The following CYP27C1 variants were observed in gnomAD, a reference collection of about 807,000 sequenced individuals.
The protein encoded by CYP27C1 is cytochrome P450 family 27 subfamily C member 1.
Under a neutral mutation model 40.6 loss-of-function variants are expected in CYP27C1, and 29 were observed. The observed-to-expected ratio is 0.71, with a 90% CI of 0.53 to 0.97. The LOEUF is 0.97. Ranked by LOEUF, CYP27C1 falls within the 50% of genes least tolerant of loss-of-function variation. The probability of loss-of-function intolerance (pLI) is 0.00; values close to 1 mark genes in which losing one functional copy is unlikely to be tolerated. For missense variants in CYP27C1, 390 were observed against 485.8 expected (o/e 0.80, Z 1.85); for synonymous variants, 198 against 186.8 (o/e 1.06, Z -0.49).
chr2:127,216,927 T>C (rs1252676471), intron 1 of CYP27C1, among the ~76,000 whole-genome samples: 1 of 152,122 alleles, frequency 6.6e-6, no homozygotes, highest in African/African-American at 2.4e-5. Flanking sequence ...TCACTCCTTC[T>C]GGAGACCTGA....
Position 127,218,592 on chromosome 2 carries a change from C to CGG in CYP27C1, c.282+1396_282+1397insCC, listed in dbSNP as rs1683488194. 6.6e-6 allele frequency among the ~76,000 whole-genome samples: 1 copy of CGG among 152,046 alleles called. No homozygotes were observed. The highest frequency in any genetic ancestry group is 6.6e-5 in the Admixed American group (1 of 15,258). ...GAATTAAAATTGCTCCTCGCACGCCCGTTTTTCCATTAATGAGGGTTGGGG... is the reference window on the plus strand; with the variant it reads ...GAATTAAAATTGCTCCTCGCACGCCCGGGTTTTTCCATTAATGAGGGTTGGGG... On this transcript the variant is annotated intron_variant, in intron 1 of 8. Transcript: ENST00000664447. The surrounding 1 kb of genome is among the most constrained non-coding windows in gnomAD (Gnocchi z 6.0).
At chr2:127,189,406 G>A (rs1288383501) in intron 8 of CYP27C1, among the ~76,000 whole-genome samples, 1 of 151,920 alleles carries the variant, frequency 6.6e-6, no homozygotes, top group East Asian at 1.9e-4. Flanking sequence ...TGAACAATGA[G>A]AACACATGGA....
In CYP27C1 at chr2:127,219,648, G is replaced by A. The variant is rs112464345; in HGVS notation, c.282+341C>T. On this transcript the variant is annotated intron_variant, in intron 1 of 8. Coordinates refer to ENST00000664447, the MANE Select transcript of CYP27C1 (RefSeq NM_001367502.1). This position sits in a 1 kb window ranked among gnomAD's most constrained non-coding sequence, Gnocchi z 8.7. The stretch of plus-strand genomic sequence containing the variant: ...CGCCTCTTCCCAGCCGTTCCTTTCT[G>A]GCCCCGTTCCTCAGCTCCCTCTGCC... 2.7e-5 allele frequency among the ~76,000 whole-genome samples: 4 copies of A among 150,152 alleles called. No homozygotes were observed. The East Asian group carries it at 8.0e-4, about 30-fold the overall frequency.
intron 5 of CYP27C1, among the ~76,000 whole-genome samples, chr2:127,198,854 C>CA (rs1179312127): frequency 6.6e-6 from 1 of 152,222 alleles, no homozygotes; most frequent in African/African-American, 2.4e-5. Flanking sequence ...GACCACCCAA[C>CA]AACGCATTTC....
At chr2:127,217,781 A>G (rs1187236646) in intron 1 of CYP27C1, among the ~76,000 whole-genome samples, 1 of 152,206 alleles carries the variant, frequency 6.6e-6, no homozygotes, top group Non-Finnish European at 1.5e-5. Context: ...TTTAGCTAAC[A>G]TTCTGTGATT....
In CYP27C1 at chr2:127,193,850, G is replaced by A. The variant is rs539536553; in HGVS notation, c.1232C>T (p.Pro411Leu). The change falls in exon 7 of 9, where the codon CCA (proline) becomes CTA (leucine). Residue 411 changes from proline (P) to leucine (L), a missense_variant. Physicochemically the swap from Pro to Leu is moderately conservative, Grantham distance 98. Transcript: ENST00000664447. The stretch of plus-strand genomic sequence containing the variant: ...TTCCTGGGTGACCCGGCCGTTCCCT[G>A]GCAGCACTGGAAACAGCCTGGAAAA... Reference protein sequence around the residue: ...KETLRLFPVLPGNGRVTQEDL... With the variant: ...KETLRLFPVLLGNGRVTQEDL... The A allele has an allele frequency of 6.2e-7, 1 of 1,614,136 alleles. No individual in the cohort carries two copies. The highest frequency in any genetic ancestry group is 1.7e-5 in the Admixed American group (1 of 60,014).
At chr2:127,198,542 CT>C (rs34101117) in intron 5 of CYP27C1, among the ~76,000 whole-genome samples, 35,473 of 151,952 alleles carry the variant, frequency 0.23, 4,394 homozygotes, top group Middle Eastern at 0.35. Flanking sequence ...CATTATGCAC[CT>C]TACATTTAAT....
intron 8 of CYP27C1, among the ~76,000 whole-genome samples, chr2:127,189,499 T>C (rs1245297862): frequency 6.6e-6 from 1 of 151,950 alleles, no homozygotes; most frequent in African/African-American, 2.4e-5. Context: ...AAATACCTAA[T>C]GCATGTGGGG....
chr2:127,205,978 G>C lies in CYP27C1; in HGVS notation c.395C>G (p.Ala132Gly), dbSNP rs1233013171. The change falls in exon 2 of 9, where the codon GCT becomes GGT. Residue 132 changes from alanine (A) to glycine (G), a missense_variant. By Grantham distance (60) the Ala-to-Gly change is moderately conservative. Coordinates refer to ENST00000664447, the MANE Select transcript of CYP27C1 (RefSeq NM_001367502.1). ...CTCCATGTTGGCTCTCTGGGGCGCA[G>C]CGCCCTCCGCCCGGAGCACCTGAGC... ...MVAQVLRAEG[A>G]APQRANMESW... 1.3e-5 allele frequency among the ~76,000 whole-genome samples: 2 copies of C among 152,252 alleles called. No individual in the cohort carries two copies. The highest frequency in any genetic ancestry group is 2.9e-5 in the Non-Finnish European group (2 of 68,036).
intron 1 of CYP27C1, among the ~76,000 whole-genome samples, chr2:127,206,815 C>T (rs1387925694): frequency 6.6e-6 from 1 of 152,144 alleles, no homozygotes. Flanking sequence ...CTAAAACTGA[C>T]TCCCAGCAAG....
chr2:127,193,838 C>T lies in CYP27C1; in HGVS notation c.1244G>A (p.Arg415Gln), dbSNP rs1265523905. Residue 415 changes from arginine (R) to glutamine (Q), a missense_variant, in exon 7 of 9, where the codon CGG becomes CAG. By Grantham distance (43) the Arg-to-Gln change is conservative. Transcript: ENST00000664447. ...RLFPVLPGNG[R>Q]VTQEDLVIGG... ...AATAACCAGGTCTTCCTGGGTGACC[C>T]GGCCGTTCCCTGGCAGCACTGGAAA... 10 of 1,614,054 alleles carry T rather than the reference C, an allele frequency of 6.2e-6. No homozygotes were observed. Among genetic ancestry groups the T allele is most frequent in the African/African-American group, 2.7e-5 (2 of 74,920 alleles).
rs566493638 is a variant in CYP27C1, at chr2:127,185,265, G to T, written c.*2006C>A. 1 of 152,332 alleles carries T rather than the reference G, an allele frequency of 6.6e-6. No homozygotes were observed. Among genetic ancestry groups the T allele is most frequent in the East Asian group, 1.9e-4 (1 of 5,178 alleles). The allele number at this position is 152,332 out of a possible 1,614,324, so 9.4% of individuals were successfully genotyped here. Reference sequence around the variant, plus strand: ...TGCACTTCCTGCTACATCACACCAGGAGGCCCCCGTGTCTGGCTGCTTCCC... The same window carrying T: ...TGCACTTCCTGCTACATCACACCAGTAGGCCCCCGTGTCTGGCTGCTTCCC... On this transcript the variant is annotated 3_prime_UTR_variant, in exon 9 of 9. Coordinates refer to ENST00000664447, the MANE Select transcript of CYP27C1 (RefSeq NM_001367502.1). The surrounding 1 kb of genome is among the most constrained non-coding windows in gnomAD (Gnocchi z 4.9).
rs913062026 is a variant in CYP27C1, at chr2:127,196,370, A to G, written c.1048-869T>C. ...GCCACCACGCCCGGTCAGCCATGTC[A>G]TTTTTTATACCTCTTCTCAAACCTT... On this transcript the variant is annotated intron_variant, in intron 5 of 8. Coordinates refer to ENST00000664447, the MANE Select transcript of CYP27C1 (RefSeq NM_001367502.1). This position sits in a 1 kb window ranked among gnomAD's most constrained non-coding sequence, Gnocchi z 4.5. Among the ~76,000 whole-genome samples the G allele has an allele frequency of 3.3e-5, 5 of 152,110 alleles. No homozygotes were observed. The highest frequency in any genetic ancestry group is 1.2e-4 in the African/African-American group (5 of 41,432).
At chr2:127,194,520 C>T (rs1334118007) in intron 6 of CYP27C1, among the ~76,000 whole-genome samples, 1 of 152,140 alleles carries the variant, frequency 6.6e-6, no homozygotes, top group African/African-American at 2.4e-5. Flanking sequence ...CCTACCCAAA[C>T]CATCCCCTCA....
intron 2 of CYP27C1, among the ~76,000 whole-genome samples, chr2:127,204,555 G>GAA (rs1490579476): frequency 0.03 from 1,168 of 38,534 alleles, 21 homozygotes; most frequent in East Asian, 0.052. Flanking sequence ...GAGAGAGAGA[G>GAA]AGAAAGAAAG....
At chr2:127,193,565 A>G (rs552296271) in intron 7 of CYP27C1, among the ~76,000 whole-genome samples, 1 of 152,362 alleles carries the variant, frequency 6.6e-6, no homozygotes, top group South Asian at 2.1e-4. Flanking sequence ...GAGCAGGCCA[A>G]GGAGCATGGG....
intron 2 of CYP27C1, 101 bp from the exon 3 acceptor site, chr2:127,203,672 C>T (rs1683092986): frequency 8.4e-7 from 1 of 1,191,024 alleles, no homozygotes; most frequent in African/African-American, 1.6e-5. Context: ...AAAGAATCAA[C>T]AAGAGCTGCC....
intron 1 of CYP27C1, among the ~76,000 whole-genome samples, chr2:127,211,422 A>G (rs1183154666): frequency 8.1e-6 from 1 of 122,770 alleles, no homozygotes; most frequent in East Asian, 2.3e-4. Context: ...TCGCTCTTTC[A>G]CCCAGGCTGG....
Position 127,186,967 on chromosome 2 carries a change from C to T in CYP27C1, c.*304G>A. ...CCTGTACAAGTAAATGCACAGGATA[C>T]TGCCAGTCATTAAATATTGAGTCTA... On this transcript the variant is annotated 3_prime_UTR_variant, in exon 9 of 9. Transcript: ENST00000664447. This position sits in a 1 kb window ranked among gnomAD's most constrained non-coding sequence, Gnocchi z 4.5. 3.7e-6 allele frequency: 1 copy of T among 273,212 alleles called. No homozygotes were observed. The highest frequency in any genetic ancestry group is 6.8e-5 in the East Asian group (1 of 14,814). 16.9% of individuals were successfully genotyped at this position (273,212 alleles called of 1,614,324 possible). A position where few individuals can be genotyped will look rare whatever the true frequency, so the allele number is the denominator to read the frequency against.
Sources: gnomAD v4.1 joint callset for allele counts (sites outside exome capture counted in the v4.1 genomes callset) on GRCh38, gnomAD v4.1.1 for gene constraint, Gnocchi (gnomAD v3.1) non-coding constraint, MANE v1.5 for transcripts, NCBI Gene and HGNC (gene_info 2026-07-23, HGNC 2026-07-21) for gene names.